The following BSN variants were observed in gnomAD, a reference collection of about 807,000 sequenced individuals.
BSN encodes protein bassoon.
A neutral mutation model predicts 264.8 loss-of-function variants in BSN; 57 were observed. The observed-to-expected ratio is 0.22, with a 90% CI of 0.17 to 0.27. The LOEUF (loss-of-function observed/expected upper bound fraction) is 0.27. BSN is among the 10% of genes least tolerant of loss of function. The pLI, the probability that BSN is intolerant of heterozygous loss-of-function variation, is 1.00. For missense variants in BSN, 4,615 were observed against 5,232.5 expected, an observed-to-expected ratio of 0.88 and a Z score of 3.64; for synonymous variants, 2,059 against 2,137.3, an observed-to-expected ratio of 0.96 and a Z score of 1.01.
At chr3:49,614,857 T>G (rs1385951395) in intron 1 of BSN, among the ~76,000 whole-genome samples, 2 of 152,182 alleles carry the variant, frequency 1.3e-5, no homozygotes, top group Admixed American at 6.5e-5. Flanking sequence ...CTGAAAGATG[T>G]TCTCAATCTA....
At chr3:49,626,870 G>T (rs2052344134) in intron 2 of BSN, among the ~76,000 whole-genome samples, 1 of 152,214 alleles carries the variant, frequency 6.6e-6, no homozygotes, top group Admixed American at 6.5e-5. Flanking sequence ...CTCCTGGTGG[G>T]CATCCCATTC....
chr3:49,558,402 T>G (rs2051690192), intron 1 of BSN, among the ~76,000 whole-genome samples: 1 of 152,204 alleles, frequency 6.6e-6, no homozygotes, highest in Non-Finnish European at 1.5e-5. Flanking sequence ...CATATGTTAT[T>G]GAGACAGACA....
chr3:49,663,298 G>A lies in BSN; in HGVS notation c.11140G>A (p.Ala3714Thr), dbSNP rs371148496. 55 of 1,613,942 alleles carry A rather than the reference G, an allele frequency of 3.4e-5. No individual in the cohort carries two copies. Among genetic ancestry groups the A allele is most frequent in the African/African-American group, 9.3e-5 (7 of 74,944 alleles). ...CTCACAGCCATCCCGTGCTTCATCC[G>A]CATACCATCATGCCTCTGACAGCAA... ...EYSQPSRASS[A>T]YHHASDSKKG... The change falls in exon 7 of 12, where the codon GCA (alanine) becomes ACA (threonine). Residue 3714 changes from alanine (A) to threonine (T), a missense_variant. By Grantham distance (58) the Ala-to-Thr change is moderately conservative. This residue lies in a region of BSN where 3,415 missense variants were observed against 3,866.4 expected (regional missense o/e 0.88). Coordinates refer to ENST00000296452, the MANE Select transcript of BSN (RefSeq NM_003458.4).
At chr3:49,603,220 C>G (rs1314045348) in intron 1 of BSN, among the ~76,000 whole-genome samples, 1 of 152,124 alleles carries the variant, frequency 6.6e-6, no homozygotes, top group African/African-American at 2.4e-5. Context: ...TTGCGCTAGG[C>G]CTGGGGAAAG....
At position 49,634,067 on chromosome 3, in the gene BSN, G is replaced by C. The variant is rs187548066; in HGVS notation, c.634-8201G>C. On this transcript the variant is annotated intron_variant, in intron 2 of 11. Coordinates refer to ENST00000296452, the MANE Select transcript of BSN (RefSeq NM_003458.4). ...TAAAATACAAAAAAAAATTAGCGGG[G>C]TGTGTTGGCCCATGCCTGTAGTCCC... Among the ~76,000 whole-genome samples the C allele has an allele frequency of 2.2e-3, 329 of 152,290 alleles. 2 individuals carry two copies. Among genetic ancestry groups the C allele is most frequent in the Admixed American group, 2.9e-3 (44 of 15,300 alleles).
At chr3:49,559,962 G>T (rs943398168) in intron 1 of BSN, among the ~76,000 whole-genome samples, 1 of 152,220 alleles carries the variant, frequency 6.6e-6, no homozygotes, top group African/African-American at 2.4e-5. Context: ...GGGAGCCAAA[G>T]AACAATGCAG....
At chr3:49,607,393 T>C (rs2052162878) in intron 1 of BSN, among the ~76,000 whole-genome samples, 1 of 152,188 alleles carries the variant, frequency 6.6e-6, no homozygotes, top group Admixed American at 6.5e-5. Flanking sequence ...GGTGTGGTGA[T>C]TCAGGGCTGG....
rs554038018 is a variant in BSN at position 49,668,739 on chromosome 3, T to C, written c.*1254T>C. 2.0e-5 allele frequency: 3 copies of C among 152,792 alleles called. No individual in the cohort carries two copies. Among genetic ancestry groups the C allele is most frequent in the African/African-American group, 7.2e-5 (3 of 41,586 alleles). 9.5% of individuals were successfully genotyped at this position (152,792 alleles called of 1,614,324 possible). Reference sequence around the variant, plus strand: ...AGCCCTGTGCGGGGGAATGTGGCACTGTCTATCCATCCGGTGGACTGGGCA... The same window carrying C: ...AGCCCTGTGCGGGGGAATGTGGCACCGTCTATCCATCCGGTGGACTGGGCA... On this transcript the variant is annotated 3_prime_UTR_variant, in exon 12 of 12. Transcript: ENST00000296452.
intron 1 of BSN, among the ~76,000 whole-genome samples, chr3:49,606,000 TTATA>T (rs1230140998): frequency 1.1e-5 from 1 of 92,216 alleles, no homozygotes; most frequent in Non-Finnish European, 1.9e-5. Flanking sequence ...AAATATATAT[TTATA>T]TATACATAGA....
At chr3:49,576,900 A>G (rs967394538) in intron 1 of BSN, among the ~76,000 whole-genome samples, 1 of 152,134 alleles carries the variant, frequency 6.6e-6, no homozygotes, top group Non-Finnish European at 1.5e-5. Context: ...CTACATTGGT[A>G]TATGCTGCCT....
At chr3:49,571,830 T>TG (rs1221485280) in intron 1 of BSN, among the ~76,000 whole-genome samples, 1 of 152,104 alleles carries the variant, frequency 6.6e-6, no homozygotes, top group Non-Finnish European at 1.5e-5. Context: ...TGGCATGCAG[T>TG]GGGGGTGGGT....
At chr3:49,589,568 G>A (rs1381982794) in intron 1 of BSN, among the ~76,000 whole-genome samples, 1 of 146,310 alleles carries the variant, frequency 6.8e-6, no homozygotes, top group African/African-American at 2.5e-5. Context: ...GTGCAGTTGC[G>A]CAATCTCAGC....
At position 49,651,690 on chromosome 3, in the gene BSN, G is replaced by T. The variant is rs759428449; in HGVS notation, c.2134G>T (p.Gly712Trp). 1 of 1,614,074 alleles carries T rather than the reference G, an allele frequency of 6.2e-7. No individual in the cohort carries two copies. The highest frequency in any genetic ancestry group is 1.1e-5 in the South Asian group (1 of 91,072). Residue 712 changes from glycine to tryptophan, a missense_variant, in exon 5 of 12, where the codon GGG becomes TGG. Gly to Trp is a radical substitution (Grantham distance 184). This residue lies in a region of BSN where 1,197 missense variants were observed against 1,348.0 expected (regional missense o/e 0.89). Transcript: ENST00000296452. The surrounding 1 kb of genome is among the most constrained non-coding windows in gnomAD (Gnocchi z 5.4). ...GGAGGTGGAACAGCTGGACAGTGCA[G>T]GGGTGACAGGGCCACATCCACCCAG... ...QQEVEQLDSA[G>W]VTGPHPPSPS...
At chr3:49,592,369 A>G (rs907647303) in intron 1 of BSN, among the ~76,000 whole-genome samples, 7 of 151,248 alleles carry the variant, frequency 4.6e-5, no homozygotes, top group African/African-American at 1.7e-4. Context: ...CTCAGCCTCC[A>G]AAGTGCTGGG....
rs1199725884 is a variant in BSN, at chr3:49,660,609, C to T, written c.8764C>T (p.Leu2922=). 8.7e-6 allele frequency: 14 copies of T among 1,612,816 alleles called. No individual in the cohort carries two copies. The highest frequency in any genetic ancestry group is 1.3e-5 in the African/African-American group (1 of 74,938). Residue 2922 remains leucine (L), a synonymous_variant, in exon 6 of 12, where the codon CTG becomes TTG. Coordinates refer to ENST00000296452, the MANE Select transcript of BSN (RefSeq NM_003458.4). The surrounding 1 kb of genome is among the most constrained non-coding windows in gnomAD (Gnocchi z 7.1). The stretch of plus-strand genomic sequence containing the variant: ...CTCCCCACAGCTGTATGCAGCCAGC[C>T]TGCTGCAGCGAGGGCTGACGGGGCC... ...QASPQLYAAS[L]LQRGLTGPTT...
intron 1 of BSN, among the ~76,000 whole-genome samples, chr3:49,610,606 A>AAAAC (rs1553662599): frequency 1.3e-5 from 2 of 151,416 alleles, no homozygotes; most frequent in Admixed American, 1.3e-4. Context: ...AAAAAAAAAA[A>AAAAC]CAAGTAGGCC....
chr3:49,661,007 C>G lies in BSN; in HGVS notation c.9162C>G (p.Pro3054=). 6.2e-7 allele frequency: 1 copy of G among 1,611,146 alleles called. No homozygotes were observed. Among genetic ancestry groups the G allele is most frequent in the East Asian group, 2.2e-5 (1 of 44,880 alleles). ...CTGGTCCCACTGCCTTCCAGCAGCC[C>G]CGCTTCCAGCCTCCAGCCCCACAGT... is the stretch of plus-strand genomic sequence containing the variant. ...TPSGPTAFQQ[P]RFQPPAPQYS... The change falls in exon 6 of 12, where the codon CCC becomes CCG. Residue 3054 remains proline, a synonymous_variant. Coordinates refer to ENST00000296452, the MANE Select transcript of BSN (RefSeq NM_003458.4).
chr3:49,656,420 C>T lies in BSN; in HGVS notation c.6864C>T (p.Ala2288=). The part of the protein sequence containing the change: ...GPVYLGKPAA[A]KAPGAGGPSR... ...TCTATCTGGGGAAACCTGCTGCTGC[C>T]AAGGCCCCTGGGGCTGGGGGCCCTT... Residue 2288 remains alanine, a synonymous_variant, in exon 5 of 12, where the codon GCC becomes GCT. Transcript: ENST00000296452. 1 of 1,590,230 alleles carries T rather than the reference C, an allele frequency of 6.3e-7. No homozygotes were observed. Among genetic ancestry groups the T allele is most frequent in the South Asian group, 1.1e-5 (1 of 87,668 alleles).
chr3:49,569,735 T>G (rs1033171449), intron 1 of BSN, among the ~76,000 whole-genome samples: 1 of 152,214 alleles, frequency 6.6e-6, no homozygotes, highest in African/African-American at 2.4e-5. Context: ...AATCTGCAGC[T>G]AGTCAGAGAT....
Sources: allele counts gnomAD v4.1 joint callset (sites outside exome capture counted in the v4.1 genomes callset), GRCh38; gene constraint gnomAD v4.1.1; regional missense constraint gnomAD v4.1.1; non-coding constraint Gnocchi (gnomAD v3.1); transcripts MANE v1.5; gene names NCBI Gene and HGNC (gene_info 2026-07-23, HGNC 2026-07-21).